FBN2: variants seen among roughly 807,000 people sequenced by gnomAD.
The protein encoded by FBN2 is fibrillin 2.
Under a neutral mutation model 355.6 loss-of-function variants are expected in FBN2, and 105 were observed. That is an observed-to-expected ratio of 0.30 (90% CI 0.25 to 0.35). FBN2 has a LOEUF of 0.35. Ranked by LOEUF, FBN2 falls within the 10% of genes least tolerant of loss-of-function variation. The probability of loss-of-function intolerance (pLI) is 1.00; values close to 1 mark genes in which losing one functional copy is unlikely to be tolerated. For synonymous variants in FBN2, 1,350 were observed against 1,301.2 expected (o/e 1.04, Z -0.81); for missense variants, 3,280 against 3,758.7 (o/e 0.87, Z 3.33).
chr5:128,335,905 G>C (rs1053342668), intron 28 of FBN2, 83 bp downstream of exon 28: 9 of 1,414,790 alleles, frequency 6.4e-6, no homozygotes, highest in Non-Finnish European at 4.9e-6. Context: ...GATTTGCATA[G>C]CCTTCATTAT....
At chr5:128,288,302 C>CA in intron 53 of FBN2, 136 bp downstream of exon 53, 3 of 972,696 alleles carry the variant, frequency 3.1e-6, no homozygotes, top group Admixed American at 2.5e-5. Context: ...ACCAACCAAA[C>CA]AAAAAACCCA....
chr5:128,301,644 G>T, intron 46 of FBN2, 134 bp from the exon 47 acceptor site: 1 of 818,594 alleles, frequency 1.2e-6, no homozygotes, highest in Non-Finnish European at 2.1e-6. Flanking sequence ...CATCAACAGA[G>T]AAAAATGGCA....
intron 62 of FBN2, among the ~76,000 whole-genome samples, chr5:128,270,043 C>T (rs1305756288): frequency 1.3e-5 from 2 of 152,146 alleles, no homozygotes; most frequent in South Asian, 4.1e-4. Context: ...TAAAACCACA[C>T]ATCTACAACC....
intron 45 of FBN2, among the ~76,000 whole-genome samples, chr5:128,303,492 A>G (rs1437567838): frequency 1.3e-5 from 2 of 152,202 alleles, no homozygotes; most frequent in African/African-American, 4.8e-5. Flanking sequence ...CCTTAATTTG[A>G]GCAGAAAAAC....
At chr5:128,367,600 T>C (rs1447719383) in intron 16 of FBN2, among the ~76,000 whole-genome samples, 2 of 152,164 alleles carry the variant, frequency 1.3e-5, no homozygotes, top group African/African-American at 2.4e-5. Flanking sequence ...TTATATTCTA[T>C]ATGAAAATTA....
intron 18 of FBN2, 68 bp from the exon 19 acceptor site, chr5:128,361,916 T>C: frequency 6.8e-7 from 1 of 1,467,218 alleles, no homozygotes. Flanking sequence ...GCAGCAATGT[T>C]TAATTTTGTT....
At chr5:128,435,027 T>A (rs948067081) in intron 7 of FBN2, among the ~76,000 whole-genome samples, 41 of 152,200 alleles carry the variant, frequency 2.7e-4, no homozygotes, top group African/African-American at 9.2e-4. Flanking sequence ...TTCATAATTT[T>A]AAAAAAAGAA....
intron 6 of FBN2, among the ~76,000 whole-genome samples, chr5:128,462,530 T>A (rs1462243809): frequency 6.6e-6 from 1 of 152,208 alleles, no homozygotes; most frequent in Non-Finnish European, 1.5e-5. Context: ...TTTCATTTTG[T>A]TCCTGTTACT....
intron 5 of FBN2, among the ~76,000 whole-genome samples, chr5:128,465,660 G>GTT (rs1479058475): frequency 6.6e-6 from 1 of 152,162 alleles, no homozygotes; most frequent in African/African-American, 2.4e-5. Flanking sequence ...TTCCTTACAC[G>GTT]TAAGTTAGTA....
At chr5:128,322,899 A>G (rs1750423345) in intron 34 of FBN2, among the ~76,000 whole-genome samples, 1 of 152,222 alleles carries the variant, frequency 6.6e-6, no homozygotes, top group Non-Finnish European at 1.5e-5. Flanking sequence ...TTTCCTATCC[A>G]TGAGCATGGA....
intron 11 of FBN2, among the ~76,000 whole-genome samples, chr5:128,385,126 C>T (rs1210247733): frequency 6.6e-6 from 1 of 152,154 alleles, no homozygotes; most frequent in Non-Finnish European, 1.5e-5. Context: ...TTGCATGTCA[C>T]AGGGGTTTGT....
intron 8 of FBN2, among the ~76,000 whole-genome samples, chr5:128,399,843 G>A (rs1342143471): frequency 2.6e-5 from 4 of 151,916 alleles, no homozygotes; most frequent in Non-Finnish European, 4.4e-5. Context: ...AAAGAGAATC[G>A]AGTTCACGGC....
intron 20 of FBN2, among the ~76,000 whole-genome samples, chr5:128,356,449 G>C (rs1561787088): frequency 6.6e-6 from 1 of 152,178 alleles, no homozygotes; most frequent in Non-Finnish European, 1.5e-5. Context: ...AATAAAAACT[G>C]CCAGTTAATT....
intron 5 of FBN2, among the ~76,000 whole-genome samples, chr5:128,502,565 A>C (rs1755847505): frequency 6.6e-6 from 1 of 150,596 alleles, no homozygotes. Flanking sequence ...CACTTGACAA[A>C]AATTGAATCA....
rs1361680630 is a variant in FBN2, at chr5:128,368,253, G to A, written c.2248+929C>T. Among the ~76,000 whole-genome samples the A allele has an allele frequency of 2.0e-5, 3 of 151,716 alleles. No individual in the cohort carries two copies. The East Asian group carries it at 5.8e-4, about 29-fold the overall frequency. On this transcript the variant is annotated intron_variant, in intron 16 of 64. Coordinates refer to ENST00000262464, the MANE Select transcript of FBN2 (RefSeq NM_001999.4). ...ATGTTAGAATCCCTACTGTACTTAC[G>A]TATATTCAATATATATTCAATACAG...
Position 128,415,477 on chromosome 5 carries a change from C to G in FBN2, c.953-6678G>C, listed in dbSNP as rs899142197. Among the ~76,000 whole-genome samples the G allele has an allele frequency of 3.9e-5, 6 of 152,286 alleles. No individual in the cohort carries two copies. The Middle Eastern group carries it at 0.01, about 259-fold the overall frequency. ...AATATTTGCCTTTATCTTCTGAACT[C>G]ATTTCACTTAACATAAATACCCTCC... On this transcript the variant is annotated intron_variant, in intron 7 of 64. Transcript: ENST00000262464.
In FBN2 at chr5:128,361,751, C is replaced by T. The variant is rs752672991; in HGVS notation, c.2526G>A (p.Val842=). Residue 842 remains valine (V), a synonymous_variant, in exon 19 of 65, where the codon GTG becomes GTA. Coordinates refer to ENST00000262464, the MANE Select transcript of FBN2 (RefSeq NM_001999.4). The stretch of plus-strand genomic sequence containing the variant: ...CACAGGTCTCTGTCTCAGTCCTGAA[C>T]ACATACCCTGGTGGGCACGTACAGC... The part of the protein sequence containing the change: ...SYSCTCPPGY[V]FRTETETCED... The T allele has an allele frequency of 1.9e-6, 3 of 1,614,148 alleles. No individual in the cohort carries two copies. The South Asian group carries it at 3.3e-5, about 18-fold the overall frequency.
Position 128,273,900 on chromosome 5 carries a change from T to C in FBN2, c.7780A>G (p.Ser2594Gly), listed in dbSNP as rs1430209734. The change falls in exon 61 of 65, where the codon AGT (serine) becomes GGT (glycine). Residue 2594 changes from serine to glycine, a missense_variant. Around this residue, in one of 6 missense-constraint regions of FBN2, gnomAD observed 2,284 missense variants for 2,749.5 expected, o/e 0.83. Coordinates refer to ENST00000262464, the MANE Select transcript of FBN2 (RefSeq NM_001999.4). ...CCTCTTTGGCATTCACAGCTGAAACTGCCTGGAGTGTTTTGACAGATTCCC... is the reference window on the plus strand; with the variant it reads ...CCTCTTTGGCATTCACAGCTGAAACCGCCTGGAGTGTTTTGACAGATTCCC... ...AKGICQNTPG[S>G]FSCECQRGFS... The C allele has an allele frequency of 2.5e-6, 4 of 1,613,856 alleles. No homozygotes were observed. The highest frequency in any genetic ancestry group is 2.7e-5 in the African/African-American group (2 of 74,940).
intron 36 of FBN2, among the ~76,000 whole-genome samples, chr5:128,314,728 C>T (rs1750154865): frequency 6.6e-6 from 1 of 152,070 alleles, no homozygotes; most frequent in African/African-American, 2.4e-5. Flanking sequence ...CCAGATCATC[C>T]AAATGTATTT....
Sources: gnomAD v4.1 joint callset for allele counts (sites outside exome capture counted in the v4.1 genomes callset) on GRCh38, gnomAD v4.1.1 for gene constraint, gnomAD v4.1.1 regional missense constraint, MANE v1.5 for transcripts, NCBI Gene and HGNC (gene_info 2026-07-23, HGNC 2026-07-21) for gene names.